EFNA5: variants seen among roughly 807,000 people sequenced by gnomAD.
EFNA5 encodes ephrin A5.
In EFNA5, 5 loss-of-function variants were observed where a neutral mutation model predicts 22.9. The observed-to-expected ratio is 0.22, with a 90% CI of 0.11 to 0.46. The LOEUF (loss-of-function observed/expected upper bound fraction) is 0.46. Ranked by LOEUF, EFNA5 falls within the 20% of genes least tolerant of loss-of-function variation. The pLI is 0.99. For missense variants in EFNA5, 237 were observed against 293.3 expected (o/e 0.81, Z 1.40); for synonymous variants, 113 against 112.2 (o/e 1.01, Z -0.04).
intron 1 of EFNA5, among the ~76,000 whole-genome samples, chr5:107,611,659 G>A (rs778733475): frequency 1.3e-5 from 2 of 152,318 alleles, no homozygotes; most frequent in African/African-American, 4.8e-5. Flanking sequence ...CACAGAGCAT[G>A]AGCTTATAAT....
chr5:107,591,906 A>ATATT (rs1749344031), intron 1 of EFNA5, among the ~76,000 whole-genome samples: 1 of 4,276 alleles, frequency 2.3e-4, no homozygotes, highest in African/African-American at 1.9e-3. Context: ...TATAATATAT[A>ATATT]ATATAAAAAA....
intron 2 of EFNA5, among the ~76,000 whole-genome samples, chr5:107,414,513 A>G (rs1748454753): frequency 6.6e-6 from 1 of 152,208 alleles, no homozygotes. Context: ...AACATAGCTC[A>G]GTAAGCACTG....
At chr5:107,550,842 A>C (rs541274789) in intron 1 of EFNA5, among the ~76,000 whole-genome samples, 40 of 152,296 alleles carry the variant, frequency 2.6e-4, no homozygotes, top group African/African-American at 9.1e-4. Context: ...AGACTACAGT[A>C]GTATTCTAGG....
intron 1 of EFNA5, among the ~76,000 whole-genome samples, chr5:107,593,147 TC>T (rs1379007010): frequency 6.6e-6 from 1 of 152,142 alleles, no homozygotes; most frequent in African/African-American, 2.4e-5. Context: ...TTGAAACAGC[TC>T]TGAGAGCAGC....
chr5:107,569,095 T>C (rs762758349), intron 1 of EFNA5, among the ~76,000 whole-genome samples: 3 of 152,048 alleles, frequency 2.0e-5, no homozygotes, highest in Non-Finnish European at 2.9e-5. Context: ...ACTTAGCATA[T>C]TAACCCCCAG....
intron 1 of EFNA5, among the ~76,000 whole-genome samples, chr5:107,597,700 G>A (rs1326930255): frequency 6.6e-6 from 1 of 152,130 alleles, no homozygotes; most frequent in Non-Finnish European, 1.5e-5. Flanking sequence ...TATTGTTGCT[G>A]CTTCCAGGAG....
chr5:107,616,449 T>C (rs1749915186), intron 1 of EFNA5, among the ~76,000 whole-genome samples: 1 of 152,070 alleles, frequency 6.6e-6, no homozygotes, highest in Non-Finnish European at 1.5e-5. Context: ...ACTTGAAAAA[T>C]TTCTGCAGAT....
intron 1 of EFNA5, among the ~76,000 whole-genome samples, chr5:107,527,299 T>TC (rs1747714468): frequency 6.6e-6 from 1 of 151,456 alleles, no homozygotes; most frequent in African/African-American, 2.4e-5. Flanking sequence ...TCTTTTTTTT[T>TC]TTTGAGATGG....
At chr5:107,411,067 T>A (rs183149920) in intron 2 of EFNA5, among the ~76,000 whole-genome samples, 57 of 152,274 alleles carry the variant, frequency 3.7e-4, no homozygotes, top group Admixed American at 6.5e-4. Flanking sequence ...TGACCACAGC[T>A]AAACCTGCAA....
intron 1 of EFNA5, among the ~76,000 whole-genome samples, chr5:107,431,679 G>A (rs1159972779): frequency 6.6e-6 from 1 of 152,158 alleles, no homozygotes; most frequent in Non-Finnish European, 1.5e-5. Flanking sequence ...AATTGCTAGA[G>A]CCAAGTCCTT....
chr5:107,402,014 G>GA (rs1748099448), intron 2 of EFNA5, among the ~76,000 whole-genome samples: 1 of 152,130 alleles, frequency 6.6e-6, no homozygotes, highest in Non-Finnish European at 1.5e-5. Flanking sequence ...TGACTTTATA[G>GA]AAAAAGGCAC....
At chr5:107,417,904 A>G (rs1166572785) in intron 2 of EFNA5, among the ~76,000 whole-genome samples, 1 of 152,230 alleles carries the variant, frequency 6.6e-6, no homozygotes, top group Non-Finnish European at 1.5e-5. Context: ...GAGCAAGAAT[A>G]GATGAGTGGG....
intron 4 of EFNA5, among the ~76,000 whole-genome samples, chr5:107,386,781 T>G (rs972932112): frequency 6.6e-6 from 1 of 152,218 alleles, no homozygotes; most frequent in Admixed American, 6.5e-5. Flanking sequence ...GAAAACTAAG[T>G]ATGTTGAATT....
intron 1 of EFNA5, among the ~76,000 whole-genome samples, chr5:107,464,425 G>A (rs998190915): frequency 6.6e-6 from 1 of 152,174 alleles, no homozygotes; most frequent in African/African-American, 2.4e-5. Context: ...AGACATGGAG[G>A]TGATGCTGCT....
chr5:107,403,200 G>T (rs1748129532), intron 2 of EFNA5, among the ~76,000 whole-genome samples: 1 of 152,194 alleles, frequency 6.6e-6, no homozygotes, highest in Admixed American at 6.5e-5. Flanking sequence ...ATACCCAAAA[G>T]AGTTAGACAC....
intron 1 of EFNA5, among the ~76,000 whole-genome samples, chr5:107,486,762 T>C (rs1746632044): frequency 6.6e-6 from 1 of 152,222 alleles, no homozygotes; most frequent in South Asian, 2.1e-4. Flanking sequence ...CCTGCCTTAA[T>C]AAACTCTGTC....
chr5:107,666,783 C>A (rs541519472), intron 1 of EFNA5, among the ~76,000 whole-genome samples: 18 of 152,044 alleles, frequency 1.2e-4, no homozygotes. Context: ...TCAAAATAAT[C>A]CAAGAAGAAC....
At chr5:107,477,230 G>C (rs1023720610) in intron 1 of EFNA5, among the ~76,000 whole-genome samples, 31 of 152,198 alleles carry the variant, frequency 2.0e-4, no homozygotes, top group African/African-American at 7.5e-4. Flanking sequence ...TCAATGTGTA[G>C]ATAAGAGATA....
chr5:107,556,783 A>T (rs821183), intron 1 of EFNA5, among the ~76,000 whole-genome samples: 4,009 of 67,734 alleles, frequency 0.059, 307 homozygotes, highest in African/African-American at 0.23. Flanking sequence ...TAAATAAATA[A>T]ATAAATAAAA....
Sources: gnomAD v4.1 joint callset for allele counts (sites outside exome capture counted in the v4.1 genomes callset) on GRCh38, gnomAD v4.1.1 for gene constraint, MANE v1.5 for transcripts, NCBI Gene and HGNC (gene_info 2026-07-23, HGNC 2026-07-21) for gene names.